The following ROBO2 variants were observed in gnomAD, a reference collection of about 807,000 sequenced individuals.
ROBO2 encodes the protein roundabout guidance receptor 2.
A neutral mutation model predicts 160.8 loss-of-function variants in ROBO2; 53 were observed. The observed-to-expected ratio is 0.33, with a 90% CI of 0.26 to 0.41. ROBO2 has a LOEUF of 0.41. Ranked by LOEUF, ROBO2 falls within the 10% of genes least tolerant of loss-of-function variation. The probability of loss-of-function intolerance (pLI) is 1.00; values close to 1 mark genes in which losing one functional copy is unlikely to be tolerated. For missense variants in ROBO2, 1,577 were observed against 1,722.4 expected, an observed-to-expected ratio of 0.92 and a Z score of 1.49; for synonymous variants, 664 against 611.7, an observed-to-expected ratio of 1.09 and a Z score of -1.26.
intron 2 of ROBO2, among the ~76,000 whole-genome samples, chr3:76,802,489 G>C (rs558240082): frequency 6.6e-6 from 1 of 152,020 alleles, no homozygotes; most frequent in African/African-American, 2.4e-5. Flanking sequence ...AGCACTTTGG[G>C]AGGCTGAGGA....
At position 77,195,710 on chromosome 3, in the gene ROBO2, G is replaced by A. The variant is rs542087659; in HGVS notation, c.388+97370G>A. Among the ~76,000 whole-genome samples the A allele has an allele frequency of 2.0e-5, 3 of 152,270 alleles. No homozygotes were observed. The East Asian group carries it at 5.8e-4, about 29-fold the overall frequency. On this transcript the variant is annotated intron_variant, in intron 2 of 25. Transcript: ENST00000461745. Reference sequence around the variant, plus strand: ...CAGATATAGCTTATAATAATTGTCTGTACTTGCCTTGCAAAATTATATTAC... The same window carrying A: ...CAGATATAGCTTATAATAATTGTCTATACTTGCCTTGCAAAATTATATTAC...
chr3:77,415,639 C>T (rs2077156296), intron 2 of ROBO2, among the ~76,000 whole-genome samples: 1 of 152,140 alleles, frequency 6.6e-6, no homozygotes, highest in Admixed American at 6.5e-5. Context: ...ACTACCAACC[C>T]AGGGTAGGGC....
intron 2 of ROBO2, among the ~76,000 whole-genome samples, chr3:76,112,265 T>C (rs932260134): frequency 6.6e-6 from 1 of 152,076 alleles, no homozygotes; most frequent in Admixed American, 6.6e-5. Flanking sequence ...AACTCCAAAG[T>C]GATTTTTTTC....
At chr3:77,030,632 C>G (rs544808253) in intron 2 of ROBO2, among the ~76,000 whole-genome samples, 17 of 152,290 alleles carry the variant, frequency 1.1e-4, no homozygotes, top group African/African-American at 4.1e-4. Context: ...GAGGAAGGCT[C>G]TAGAGAAAAA....
intron 2 of ROBO2, among the ~76,000 whole-genome samples, chr3:76,752,432 TAAAACAAAAAAAA>T (rs2060725933): frequency 7.6e-6 from 1 of 130,790 alleles, no homozygotes; most frequent in African/African-American, 2.8e-5. Flanking sequence ...ACATAAAGTA[TAAAACAAAAAAAA>T]AAAAGAAAAA....
intron 13 of ROBO2, among the ~76,000 whole-genome samples, chr3:77,572,242 G>T (rs1559639019): frequency 1.3e-5 from 2 of 151,998 alleles, no homozygotes; most frequent in Non-Finnish European, 2.9e-5. Context: ...TAAAGCAAAT[G>T]CAGAGAAGTT....
At chr3:77,438,729 T>C (rs1053924362) in intron 2 of ROBO2, among the ~76,000 whole-genome samples, 4 of 152,034 alleles carry the variant, frequency 2.6e-5, no homozygotes, top group African/African-American at 9.7e-5. Flanking sequence ...TCACCAGCTC[T>C]ACAAAAACAG....
At chr3:77,166,581 C>T (rs960692602) in intron 2 of ROBO2, among the ~76,000 whole-genome samples, 4 of 151,784 alleles carry the variant, frequency 2.6e-5, no homozygotes, top group Non-Finnish European at 4.4e-5. Flanking sequence ...TTGTTTTAGG[C>T]GGAGTCTCAC....
chr3:77,121,038 G>C (rs1264003440), intron 2 of ROBO2, among the ~76,000 whole-genome samples: 1 of 152,032 alleles, frequency 6.6e-6, no homozygotes, highest in Non-Finnish European at 1.5e-5. Context: ...TCCACCTCCT[G>C]GGTTCAAGCG....
chr3:77,317,000 A>C, intron 2 of ROBO2: 3 of 1,523,024 alleles, frequency 2.0e-6, no homozygotes, highest in Non-Finnish European at 1.8e-6. Flanking sequence ...GCGGTCTCCA[A>C]CTTCTTGTTC....
At chr3:76,441,125 A>G (rs993409869) in intron 2 of ROBO2, among the ~76,000 whole-genome samples, 3 of 152,160 alleles carry the variant, frequency 2.0e-5, no homozygotes, top group African/African-American at 7.2e-5. Flanking sequence ...GTCAACCAAG[A>G]TCCCCTTGTC....
At chr3:76,226,974 A>T (rs1044313953) in intron 2 of ROBO2, among the ~76,000 whole-genome samples, 2 of 152,194 alleles carry the variant, frequency 1.3e-5, no homozygotes, top group Admixed American at 6.5e-5. Flanking sequence ...ACATCTGTGC[A>T]TCTCCATCAG....
intron 2 of ROBO2, among the ~76,000 whole-genome samples, chr3:76,948,911 T>TATATATATATATATAAA (rs2078778436): frequency 2.6e-5 from 1 of 38,234 alleles, no homozygotes; most frequent in African/African-American, 1.0e-4. Flanking sequence ...TATATATATT[T>TATATATATATATATAAA]TTTTTTTTTT....
At chr3:76,338,375 T>C (rs1250923397) in intron 2 of ROBO2, among the ~76,000 whole-genome samples, 2 of 152,172 alleles carry the variant, frequency 1.3e-5, no homozygotes, top group East Asian at 3.9e-4. Flanking sequence ...TGGTTAGTCA[T>C]ATAGCAATTT....
At chr3:76,588,496 A>G (rs2086204214) in intron 2 of ROBO2, among the ~76,000 whole-genome samples, 1 of 152,224 alleles carries the variant, frequency 6.6e-6, no homozygotes, top group Non-Finnish European at 1.5e-5. Context: ...TAAAATGTGT[A>G]TAAAGCATCT....
chr3:76,837,930 T>C (rs943913758), intron 2 of ROBO2, among the ~76,000 whole-genome samples: 15 of 152,198 alleles, frequency 9.9e-5, no homozygotes, highest in African/African-American at 3.1e-4. Flanking sequence ...CTTAGTGTTG[T>C]TCAATTTGGA....
At chr3:77,068,552 C>T (rs1295323256) in intron 1 of ROBO2, among the ~76,000 whole-genome samples, 1 of 152,052 alleles carries the variant, frequency 6.6e-6, no homozygotes, top group African/African-American at 2.4e-5. Flanking sequence ...ACTAACTTGC[C>T]TGTTAGTCAC....
At chr3:75,963,347 C>A (rs1331115344) in intron 2 of ROBO2, among the ~76,000 whole-genome samples, 1 of 151,670 alleles carries the variant, frequency 6.6e-6, no homozygotes, top group Non-Finnish European at 1.5e-5. Flanking sequence ...CCACCACACC[C>A]AGCTTTATTT....
At chr3:77,248,777 C>CTT (rs56271044) in intron 2 of ROBO2, among the ~76,000 whole-genome samples, 2,540 of 141,576 alleles carry the variant, frequency 0.018, 75 homozygotes, top group African/African-American at 0.055. Context: ...ATCACTTGCT[C>CTT]TTTTTTTTTT....
Sources: allele counts gnomAD v4.1 joint callset (sites outside exome capture counted in the v4.1 genomes callset), GRCh38; gene constraint gnomAD v4.1.1; transcripts MANE v1.5; gene names NCBI Gene and HGNC (gene_info 2026-07-23, HGNC 2026-07-21).